CSMD1: variants seen among roughly 807,000 people sequenced by gnomAD.
CSMD1 encodes the protein CUB and Sushi multiple domains 1.
A neutral mutation model predicts 417.5 loss-of-function variants in CSMD1; 213 were observed. The observed-to-expected ratio is 0.51, with a 90% CI of 0.46 to 0.57. The LOEUF is 0.57. CSMD1 is among the 20% of genes least tolerant of loss of function. The pLI is 0.00. For synonymous variants in CSMD1, 2,862 were observed against 1,736.8 expected (o/e 1.65, Z -16.11); for missense variants, 6,923 against 4,529.7 (o/e 1.53, Z -15.17).
intron 1 of CSMD1, among the ~76,000 whole-genome samples, chr8:4,880,633 C>A (rs376763800): frequency 6.6e-6 from 1 of 151,942 alleles, no homozygotes. Context: ...TTACTCAGTT[C>A]GAAGCGTCCC....
In CSMD1 at chr8:4,637,562, G is replaced by C. The variant is rs1481696407; in HGVS notation, c.86-4C>G. ...ACTAAGCCTCCACAGTTCTGACCTG[G>C]AAGAGAAAACACACACAAAAAAGCA... On this transcript the variant is annotated splice_region_variant and splice_polypyrimidine_tract_variant and intron_variant, in intron 1 of 69. Transcript: ENST00000635120. 3 of 1,595,266 alleles carry C rather than the reference G, an allele frequency of 1.9e-6. No individual in the cohort carries two copies. The highest frequency in any genetic ancestry group is 1.7e-5 in the Admixed American group (1 of 59,350).
Position 4,449,585 on chromosome 8 carries a change from A to T in CSMD1, c.303-29520T>A, listed in dbSNP as rs111770769. On this transcript the variant is annotated intron_variant, in intron 2 of 69. Coordinates refer to ENST00000635120, the MANE Select transcript of CSMD1 (RefSeq NM_033225.6). ...CTCATCTAATTATTTAGCCATTCCC[A>T]TAATAGAGATAATCAATATTCACTG... is the stretch of plus-strand genomic sequence containing the variant. Among the ~76,000 whole-genome samples the T allele has an allele frequency of 9.1e-3, 1,381 of 152,308 alleles. 14 individuals are homozygous for T. The highest frequency in any genetic ancestry group is 0.015 in the Non-Finnish European group (1,027 of 68,030).
intron 3 of CSMD1, among the ~76,000 whole-genome samples, chr8:4,142,487 C>T (rs1213498247): frequency 6.6e-6 from 1 of 151,272 alleles, no homozygotes; most frequent in East Asian, 1.9e-4. Context: ...TTGCTAAATT[C>T]ACAAGCTCGT....
chr8:4,685,314 C>T (rs1806301182), intron 1 of CSMD1, among the ~76,000 whole-genome samples: 2 of 152,190 alleles, frequency 1.3e-5, no homozygotes, highest in Non-Finnish European at 1.5e-5. Context: ...TGGCTCATGC[C>T]TGTAATCCCA....
chr8:4,526,753 G>A (rs1338612266), intron 2 of CSMD1, among the ~76,000 whole-genome samples: 5 of 152,122 alleles, frequency 3.3e-5, no homozygotes, highest in African/African-American at 4.8e-5. Context: ...AACAGGTTAC[G>A]TTAGCAGGGA....
chr8:4,979,776 G>C (rs775707894), intron 1 of CSMD1, among the ~76,000 whole-genome samples: 7 of 152,144 alleles, frequency 4.6e-5, no homozygotes, highest in African/African-American at 1.7e-4. Flanking sequence ...GGTGGCTCAC[G>C]CCTGTAATCC....
intron 5 of CSMD1, among the ~76,000 whole-genome samples, chr8:3,796,428 ATATATATATCTATCGTG>A (rs1237783880): frequency 5.3e-4 from 61 of 114,802 alleles, no homozygotes; most frequent in Admixed American, 2.5e-3. Flanking sequence ...TCATGTATAG[ATATATATATCTATCGTG>A]TATAGATATA....
intron 5 of CSMD1, among the ~76,000 whole-genome samples, chr8:3,831,262 G>C (rs1802361374): frequency 6.6e-6 from 1 of 152,170 alleles, no homozygotes; most frequent in East Asian, 1.9e-4. Context: ...ACTGCTCTTA[G>C]TTATTCCTGC....
chr8:3,372,961 CTT>C (rs1810067159), intron 18 of CSMD1, among the ~76,000 whole-genome samples: 1 of 152,146 alleles, frequency 6.6e-6, no homozygotes, highest in Non-Finnish European at 1.5e-5. Flanking sequence ...GGATTCGTAA[CTT>C]TTCACTGGTC....
intron 3 of CSMD1, among the ~76,000 whole-genome samples, chr8:4,076,540 C>G (rs1382637510): frequency 1.3e-5 from 2 of 152,068 alleles, no homozygotes; most frequent in South Asian, 2.1e-4. Flanking sequence ...AAACGAATAC[C>G]TAAAACACAA....
At chr8:4,615,534 A>T (rs1023400902) in intron 2 of CSMD1, among the ~76,000 whole-genome samples, 11 of 152,228 alleles carry the variant, frequency 7.2e-5, no homozygotes, top group Non-Finnish European at 1.6e-4. Flanking sequence ...AATATTGCAT[A>T]TTTAGCAAAT....
chr8:4,623,011 AC>A (rs1801870839), intron 2 of CSMD1, among the ~76,000 whole-genome samples: 1 of 152,190 alleles, frequency 6.6e-6, no homozygotes, highest in Admixed American at 6.5e-5. Context: ...CATAAATTAG[AC>A]TTTTTTAAGA....
At chr8:4,070,339 T>C (rs757627782) in intron 3 of CSMD1, among the ~76,000 whole-genome samples, 11 of 152,150 alleles carry the variant, frequency 7.2e-5, no homozygotes, top group Admixed American at 4.6e-4. Context: ...AAATGTCTTC[T>C]TATATTAACC....
chr8:3,505,531 T>C (rs2117366117), intron 10 of CSMD1, among the ~76,000 whole-genome samples: 1 of 152,226 alleles, frequency 6.6e-6, no homozygotes, highest in South Asian at 2.1e-4. Flanking sequence ...TAAAGCTGTA[T>C]GACAATAATA....
chr8:4,751,093 G>A (rs759047442), intron 1 of CSMD1, among the ~76,000 whole-genome samples: 7 of 152,074 alleles, frequency 4.6e-5, no homozygotes, highest in African/African-American at 1.7e-4. Context: ...TCGTTAAAGA[G>A]AGCATGTCTG....
intron 6 of CSMD1, among the ~76,000 whole-genome samples, chr8:3,736,950 G>C (rs556559423): frequency 1.2e-4 from 18 of 152,280 alleles, no homozygotes; most frequent in African/African-American, 4.1e-4. Flanking sequence ...TTCTCCCTGA[G>C]CCCTCTCCCC....
At chr8:3,994,175 T>G (rs1278400056) in intron 5 of CSMD1, among the ~76,000 whole-genome samples, 2 of 152,188 alleles carry the variant, frequency 1.3e-5, no homozygotes, top group East Asian at 3.9e-4. Context: ...GCATTTATTT[T>G]TATTTTCTTT....
chr8:3,334,521 G>C (rs960067930), intron 23 of CSMD1, among the ~76,000 whole-genome samples: 2 of 151,978 alleles, frequency 1.3e-5, no homozygotes, highest in African/African-American at 2.4e-5. Context: ...CATTTTTATT[G>C]TATCAATGTG....
At chr8:4,193,147 G>C (rs887481137) in intron 3 of CSMD1, among the ~76,000 whole-genome samples, 14 of 152,062 alleles carry the variant, frequency 9.2e-5, no homozygotes, top group Admixed American at 1.3e-4. Context: ...ATCTGTAAAA[G>C]ATAAGTTGCC....
Sources: gnomAD v4.1 joint callset for allele counts (sites outside exome capture counted in the v4.1 genomes callset) on GRCh38, gnomAD v4.1.1 for gene constraint, MANE v1.5 for transcripts, NCBI Gene and HGNC (gene_info 2026-07-23, HGNC 2026-07-21) for gene names.